The following MOSMO variants were observed in gnomAD, a reference collection of about 807,000 sequenced individuals.
MOSMO encodes modulator of smoothened protein.
A neutral mutation model predicts 18.4 loss-of-function variants in MOSMO; 5 were observed. That is an observed-to-expected ratio of 0.27 (90% CI 0.14 to 0.57). The LOEUF (loss-of-function observed/expected upper bound fraction) is 0.57. Among genes scored for constraint, MOSMO ranks in the 20% least tolerant of loss-of-function variants. The pLI, the probability that MOSMO is intolerant of heterozygous loss-of-function variation, is 0.92. For missense variants in MOSMO, 138 were observed against 211.8 expected (o/e 0.65, Z 2.16); for synonymous variants, 82 against 82.3 (o/e 1.00, Z 0.02).
chr16:22,088,004 A>G (rs2141797956), downstream of MOSMO, among the ~76,000 whole-genome samples: 1 of 152,258 alleles, frequency 6.6e-6, no homozygotes, highest in Admixed American at 6.5e-5. Context: ...TCAGTTTAAC[A>G]AAAGCAAGAT....
At chr16:22,052,951 C>CTTTTTTTTT (rs1198266671) in intron 1 of MOSMO, among the ~76,000 whole-genome samples, 2 of 124,110 alleles carry the variant, frequency 1.6e-5, no homozygotes, top group Non-Finnish European at 3.4e-5. Context: ...CTCTCATCTT[C>CTTTTTTTTT]TTTTTTTTTT....
At chr16:22,015,045 T>C (rs1459629793) in intron 1 of MOSMO, among the ~76,000 whole-genome samples, 1 of 152,168 alleles carries the variant, frequency 6.6e-6, no homozygotes, top group East Asian at 1.9e-4. Context: ...AGTTGTGTGC[T>C]ACCATCACCA....
At chr16:22,025,726 C>T (rs1449119199) in intron 1 of MOSMO, among the ~76,000 whole-genome samples, 1 of 152,158 alleles carries the variant, frequency 6.6e-6, no homozygotes, top group African/African-American at 2.4e-5. Context: ...TAACAAACCC[C>T]CTACAACAGC....
rs1900042581 is a variant in MOSMO, at chr16:22,033,630, AC to A, written c.106+25225del. Among the ~76,000 whole-genome samples, 4 of 151,820 alleles carry A rather than the reference AC, an allele frequency of 2.6e-5. No individual in the cohort carries two copies. In the South Asian group the frequency reaches 8.3e-4, roughly 32 times the overall value. On this transcript the variant is annotated intron_variant, in intron 1 of 2. Transcript: ENST00000542527. ...CAGGAGATCGAGACCATCCTGACTAACCTTGAAACCCCGTCTCTACTAAAAA... is the reference window on the plus strand; with the variant it reads ...CAGGAGATCGAGACCATCCTGACTAACTTGAAACCCCGTCTCTACTAAAAA...
downstream of MOSMO, among the ~76,000 whole-genome samples, chr16:22,089,171 C>T (rs546814564): frequency 6.6e-6 from 1 of 152,158 alleles, no homozygotes; most frequent in East Asian, 1.9e-4. Context: ...CCTGGGCCAC[C>T]ATCTTCCCAC....
intron 1 of MOSMO, among the ~76,000 whole-genome samples, chr16:22,040,634 A>G (rs1231219841): frequency 6.6e-6 from 1 of 152,198 alleles, no homozygotes; most frequent in African/African-American, 2.4e-5. Context: ...ATGAAACAAA[A>G]TGGGGGAAGT....
chr16:22,052,816 GA>G (rs766367122), intron 1 of MOSMO, among the ~76,000 whole-genome samples: 102 of 151,646 alleles, frequency 6.7e-4, no homozygotes, highest in Admixed American at 8.5e-4. Context: ...TGTTTAGGGG[GA>G]AAAAAAATTG....
chr16:22,014,271 T>G (rs1899594570), intron 1 of MOSMO, among the ~76,000 whole-genome samples: 1 of 152,206 alleles, frequency 6.6e-6, no homozygotes, highest in Admixed American at 6.5e-5. Context: ...AAAAGTATTA[T>G]GCCAACAGGA....
rs772828934 is a variant in MOSMO, at chr16:22,008,282, G to C, written c.-20G>C. 1.8e-5 allele frequency: 26 copies of C among 1,467,656 alleles called. No individual in the cohort carries two copies. Among genetic ancestry groups the C allele is most frequent in the East Asian group, 2.6e-5 (1 of 37,852 alleles). 90.9% of individuals were successfully genotyped at this position (1,467,656 alleles called of 1,614,324 possible). The stretch of plus-strand genomic sequence containing the variant: ...GCTGCCTGTCCGGGGCTCGGGGGGT[G>C]GGGGGAGCGGGGCGGGGAGATGGAT... On this transcript the variant is annotated 5_prime_UTR_variant, in exon 1 of 3. Transcript: ENST00000542527.
At chr16:22,087,798 T>C (rs1598031967), downstream of MOSMO, among the ~76,000 whole-genome samples, 1 of 152,248 alleles carries the variant, frequency 6.6e-6, no homozygotes, top group African/African-American at 2.4e-5. Flanking sequence ...TCCTGCCTTA[T>C]GTGCTATTGT....
chr16:22,033,015 G>A (rs933282198), intron 1 of MOSMO, among the ~76,000 whole-genome samples: 3 of 152,082 alleles, frequency 2.0e-5, no homozygotes, highest in Non-Finnish European at 2.9e-5. Flanking sequence ...GTTTATTTCT[G>A]GAATCTCAAG....
intron 1 of MOSMO, among the ~76,000 whole-genome samples, chr16:22,073,247 A>G (rs916609391): frequency 1.3e-5 from 2 of 152,194 alleles, no homozygotes; most frequent in African/African-American, 4.8e-5. Flanking sequence ...ATCAAATGTA[A>G]ATCTAAGTTC....
intron 1 of MOSMO, among the ~76,000 whole-genome samples, chr16:22,023,845 C>T (rs78504122): frequency 0.019 from 2,960 of 151,960 alleles, 59 homozygotes; most frequent in Admixed American, 0.058. Flanking sequence ...AGACTCTTGT[C>T]TTTTGACTGT....
intron 1 of MOSMO, among the ~76,000 whole-genome samples, chr16:22,027,117 A>G (rs1438965535): frequency 6.6e-6 from 1 of 152,236 alleles, no homozygotes; most frequent in Non-Finnish European, 1.5e-5. Flanking sequence ...AAGGTGGGCA[A>G]TCAGATTAAT....
At chr16:22,038,710 CAGAATAAG>C (rs1900155122) in intron 1 of MOSMO, among the ~76,000 whole-genome samples, 2 of 152,242 alleles carry the variant, frequency 1.3e-5, no homozygotes, top group South Asian at 4.2e-4. Flanking sequence ...AGCTACTGTA[CAGAATAAG>C]AGAGAGCCAG....
chr16:22,023,000 T>C lies in MOSMO; in HGVS notation c.106+14593T>C, dbSNP rs546654211. ...TGTAAATGTAAAGGATGATTGATAA[T>C]CACAGGTAGCCTACAAGATAATTTA... On this transcript the variant is annotated intron_variant, in intron 1 of 2. Coordinates refer to ENST00000542527, the MANE Select transcript of MOSMO (RefSeq NM_001164579.2). Among the ~76,000 whole-genome samples, 5 of 152,336 alleles carry C rather than the reference T, an allele frequency of 3.3e-5. No homozygotes were observed. The East Asian group carries it at 9.6e-4, about 29-fold the overall frequency.
At chr16:22,019,722 T>TA (rs1269407728) in intron 1 of MOSMO, among the ~76,000 whole-genome samples, 1 of 152,130 alleles carries the variant, frequency 6.6e-6, no homozygotes. Flanking sequence ...GAGGTGATTG[T>TA]AAAAAGTGAG....
chr16:22,016,726 A>G (rs1340525898), intron 1 of MOSMO, among the ~76,000 whole-genome samples: 1 of 152,204 alleles, frequency 6.6e-6, no homozygotes, highest in Non-Finnish European at 1.5e-5. Flanking sequence ...CGTGTAATTG[A>G]TCTTAGACAA....
chr16:22,077,975 A>G (rs1330321188), intron 2 of MOSMO, among the ~76,000 whole-genome samples: 2 of 152,070 alleles, frequency 1.3e-5, no homozygotes, highest in African/African-American at 2.4e-5. Flanking sequence ...CCGTTAAGCT[A>G]TAGTTTTCAT....
Sources: allele counts gnomAD v4.1 joint callset (sites outside exome capture counted in the v4.1 genomes callset), GRCh38; gene constraint gnomAD v4.1.1; transcripts MANE v1.5; gene names NCBI Gene and HGNC (gene_info 2026-07-23, HGNC 2026-07-21).